Variants in ABCF1 observed in about 807,000 individuals in gnomAD.
ABCF1 encodes ATP-binding cassette sub-family F member 1.
A neutral mutation model predicts 126.3 loss-of-function variants in ABCF1; 73 were observed. The ratio of observed to expected loss-of-function variants is 0.58; its 90% CI spans 0.48 to 0.70. The LOEUF (loss-of-function observed/expected upper bound fraction) is 0.70. Among genes scored for constraint, ABCF1 ranks in the 30% least tolerant of loss-of-function variants. ABCF1 has a pLI of 0.00. For missense variants in ABCF1, 786 were observed against 1,057.5 expected, an observed-to-expected ratio of 0.74 and a Z score of 3.56; for synonymous variants, 345 against 396.4, an observed-to-expected ratio of 0.87 and a Z score of 1.54.
At chr6:30,575,071 CTTT>C (rs958476559) in intron 1 of ABCF1, among the ~76,000 whole-genome samples, 1 of 129,786 alleles carries the variant, frequency 7.7e-6, no homozygotes, top group Non-Finnish European at 1.7e-5. Flanking sequence ...GACTTTTTTT[CTTT>C]TTTTTTTTTT....
chr6:30,583,987 G>T lies in ABCF1; in HGVS notation c.1102+97G>T. ...AGAAGAAATTGTGGCTATGGAGTTGGAAGGGATGTGGAGGGAGACTGGAGA... is the reference window on the plus strand; with the variant it reads ...AGAAGAAATTGTGGCTATGGAGTTGTAAGGGATGTGGAGGGAGACTGGAGA... On this transcript the variant is annotated intron_variant, in intron 12 of 24. Coordinates refer to ENST00000326195, the MANE Select transcript of ABCF1 (RefSeq NM_001025091.2). This position sits in a 1 kb window ranked among gnomAD's most constrained non-coding sequence, Gnocchi z 4.1. The T allele has an allele frequency of 6.7e-7, 1 of 1,488,934 alleles. No homozygotes were observed. Among genetic ancestry groups the T allele is most frequent in the Non-Finnish European group, 9.3e-7 (1 of 1,080,818 alleles). The allele number at this position is 1,488,934 out of a possible 1,614,324, so 92.2% of individuals were successfully genotyped here.
Position 30,586,847 on chromosome 6 carries a change from A to G in ABCF1, c.2031+136A>G. On this transcript the variant is annotated intron_variant, in intron 20 of 24. Coordinates refer to ENST00000326195, the MANE Select transcript of ABCF1 (RefSeq NM_001025091.2). This position sits in a 1 kb window ranked among gnomAD's most constrained non-coding sequence, Gnocchi z 4.9. Reference sequence around the variant, plus strand: ...TCATGATAGATGATTCATTTCCCTAAGAGGGGCAGTAGAGGAGGAAAGAGC... The same window carrying G: ...TCATGATAGATGATTCATTTCCCTAGGAGGGGCAGTAGAGGAGGAAAGAGC... 1.0e-6 allele frequency: 1 copy of G among 976,786 alleles called. No individual in the cohort carries two copies. The highest frequency in any genetic ancestry group is 1.5e-6 in the Non-Finnish European group (1 of 646,846). 60.5% of individuals were successfully genotyped at this position (976,786 alleles called of 1,614,324 possible).
rs1802348044 is a variant in ABCF1, at chr6:30,589,868, G to A, written c.2127G>A (p.Glu709=). 6.2e-7 allele frequency: 1 copy of A among 1,614,216 alleles called. No individual in the cohort carries two copies. Among genetic ancestry groups the A allele is most frequent in the Non-Finnish European group, 8.5e-7 (1 of 1,180,034 alleles). Residue 709 remains glutamate (E), a synonymous_variant, in exon 22 of 25, where the codon GAG becomes GAA. Coordinates refer to ENST00000326195, the MANE Select transcript of ABCF1 (RefSeq NM_001025091.2). ...EQLRMEETPT[E]YLQRGFNLPY... is the part of the protein sequence containing the mutation. ...TGCGCATGGAGGAGACGCCCACTGA[G>A]TACCTGCAGCGGGGCTTCAACCTGC...
At position 30,586,474 on chromosome 6, in the gene ABCF1, G is replaced by A. The variant is rs1325879449; in HGVS notation, c.1886G>A (p.Gly629Asp). The change falls in exon 19 of 25, where the codon GGT becomes GAT. Residue 629 changes from glycine (G) to aspartate (D), a missense_variant and splice_region_variant. By Grantham distance (94) the Gly-to-Asp change is moderately conservative. This residue lies in a region of ABCF1 where 288 missense variants were observed against 423.5 expected (regional missense o/e 0.68). Coordinates refer to ENST00000326195, the MANE Select transcript of ABCF1 (RefSeq NM_001025091.2). This position sits in a 1 kb window ranked among gnomAD's most constrained non-coding sequence, Gnocchi z 4.9. ...AATTGCTTCTTTTCGTGGCTTTCAG[G>A]TGTGACATTCGGCTACCAGGGACAG... The part of the protein sequence containing the change: ...PLSPPVLGLH[G>D]VTFGYQGQKP... 3 of 1,613,624 alleles carry A rather than the reference G, an allele frequency of 1.9e-6. No homozygotes were observed. Among genetic ancestry groups the A allele is most frequent in the Non-Finnish European group, 2.5e-6 (3 of 1,180,028 alleles).
intron 4 of ABCF1, 55 bp downstream of exon 4, chr6:30,578,257 T>TGAAG (rs1801615482): frequency 6.2e-7 from 1 of 1,613,584 alleles, no homozygotes; most frequent in Admixed American, 1.7e-5. Context: ...TGGAGAGTGA[T>TGAAG]ACCTCATACC....
rs1300183187 is a variant in ABCF1, at chr6:30,582,453, A to G, written c.738A>G (p.Ala246=). 2 of 1,612,910 alleles carry G rather than the reference A, an allele frequency of 1.2e-6. No individual in the cohort carries two copies. Among genetic ancestry groups the G allele is most frequent in the Admixed American group, 1.7e-5 (1 of 60,004 alleles). ...AGGAGGAAGGAGGAGAGTCTAAGGC[A>G]GATGATCCCTATGCTCATCTTAGCA... ...EEEEEGGESK[A]DDPYAHLSKK... The change falls in exon 9 of 25, where the codon GCA becomes GCG. Residue 246 remains alanine, a synonymous_variant. Coordinates refer to ENST00000326195, the MANE Select transcript of ABCF1 (RefSeq NM_001025091.2).
Position 30,578,551 on chromosome 6 carries a change from A to G in ABCF1, c.463A>G (p.Lys155Glu). The G allele has an allele frequency of 1.2e-6, 2 of 1,613,942 alleles. No homozygotes were observed. The highest frequency in any genetic ancestry group is 1.6e-4 in the Middle Eastern group (1 of 6,062). ...AGAAAAACATCCTCCTAAGCCTGCC[A>G]AGCCGGAGAAGAATCGGATCAATAA... ...EEEKHPPKPA[K>E]PEKNRINKAV... is the part of the protein sequence containing the mutation. The change falls in exon 6 of 25, where the codon AAG (lysine) becomes GAG (glutamate). Residue 155 changes from lysine (K) to glutamate (E), a missense_variant. This residue lies in a region of ABCF1 where 322 missense variants were observed against 322.9 expected (regional missense o/e 1.00). Transcript: ENST00000326195.
chr6:30,580,502 G>T lies in ABCF1; in HGVS notation c.661G>T (p.Ala221Ser), dbSNP rs1582582165. The T allele has an allele frequency of 4.6e-6, 7 of 1,522,182 alleles. No homozygotes were observed. Among genetic ancestry groups the T allele is most frequent in the Non-Finnish European group, 6.1e-6 (7 of 1,147,556 alleles). 94.3% of individuals were successfully genotyped at this position (1,522,182 alleles called of 1,614,324 possible). A position where few individuals can be genotyped will look rare whatever the true frequency, so the allele number is the denominator to read the frequency against. The change falls in exon 8 of 25, where the codon GCC (alanine) becomes TCC (serine). Residue 221 changes from alanine to serine, a missense_variant. Coordinates refer to ENST00000326195, the MANE Select transcript of ABCF1 (RefSeq NM_001025091.2). ...GCCTCCCAAACAAGGGAAGGAGAAG[G>T]CCAAGAAGGCAGAGCAGGTGTGTAT... ...KEPPKQGKEK[A>S]KKAEQGSEEE... is the part of the protein sequence containing the mutation.
chr6:30,583,776 G>A lies in ABCF1; in HGVS notation c.1017-29G>A. 6.2e-7 allele frequency: 1 copy of A among 1,613,802 alleles called. No homozygotes were observed. The highest frequency in any genetic ancestry group is 1.1e-5 in the South Asian group (1 of 91,082). The stretch of plus-strand genomic sequence containing the variant: ...GAAAAGAAGAGATTTCTCAGTGGTG[G>A]CCAGGTCCTAATAGCTTTTATTCCC... On this transcript the variant is annotated intron_variant, in intron 11 of 24. Coordinates refer to ENST00000326195, the MANE Select transcript of ABCF1 (RefSeq NM_001025091.2). The surrounding 1 kb of genome is among the most constrained non-coding windows in gnomAD (Gnocchi z 4.1).
chr6:30,580,127 A>G (rs1801732216), intron 7 of ABCF1, 122 bp downstream of exon 7: 1 of 937,582 alleles, frequency 1.1e-6, no homozygotes, highest in Non-Finnish European at 1.6e-6. Flanking sequence ...TGGGCGGATC[A>G]CGAGGTCAGG....
At chr6:30,582,569 A>G in intron 9 of ABCF1, 62 bp downstream of exon 9, 4 of 1,556,646 alleles carry the variant, frequency 2.6e-6, no homozygotes, top group Non-Finnish European at 3.5e-6. Flanking sequence ...ACTAGGGGAC[A>G]TGCGATTGGG....
rs772938674 is a variant in ABCF1, at chr6:30,589,747, T to C, written c.2064+27T>C. 35 of 1,613,988 alleles carry C rather than the reference T, an allele frequency of 2.2e-5. No homozygotes were observed. The African/African-American group carries it at 4.4e-4, about 20-fold the overall frequency. On this transcript the variant is annotated intron_variant, in intron 21 of 24. Transcript: ENST00000326195. ...TAAGTTGGCATTGGGATTTAGGGAA[T>C]GATAATCTGATGGAGGAAGTGTGAC...
In ABCF1 at chr6:30,582,442, G is replaced by C. The variant is rs755216112; in HGVS notation, c.727G>C (p.Glu243Gln). ...EGEEEEEEGG[E>Q]SKADDPYAHL... is the part of the protein sequence containing the mutation. Reference sequence around the variant, plus strand: ...GGAAGAAGAGGAGGAGGAAGGAGGAGAGTCTAAGGCAGATGATCCCTATGC... The same window carrying C: ...GGAAGAAGAGGAGGAGGAAGGAGGACAGTCTAAGGCAGATGATCCCTATGC... The change falls in exon 9 of 25, where the codon GAG (glutamate) becomes CAG (glutamine). Residue 243 changes from glutamate (E) to glutamine (Q), a missense_variant. Physicochemically the swap from Glu to Gln is conservative, Grantham distance 29 (BLOSUM62 2). Transcript: ENST00000326195. 1.2e-6 allele frequency: 2 copies of C among 1,612,850 alleles called. No homozygotes were observed. Among genetic ancestry groups the C allele is most frequent in the South Asian group, 2.2e-5 (2 of 91,078 alleles).
intron 20 of ABCF1, among the ~76,000 whole-genome samples, chr6:30,587,185 GGT>G (rs1802188670): frequency 6.6e-6 from 1 of 151,956 alleles, no homozygotes; most frequent in African/African-American, 2.4e-5. Context: ...GGGAGGCGGG[GGT>G]TGCAGTGAGC....
chr6:30,587,565 G>A (rs1413207725), intron 20 of ABCF1, among the ~76,000 whole-genome samples: 3 of 151,846 alleles, frequency 2.0e-5, no homozygotes, highest in African/African-American at 7.3e-5. Flanking sequence ...AACCCAGGAG[G>A]CAGAGGTTGC....
Position 30,589,950 on chromosome 6 carries a change from AC to A in ABCF1, c.2211del (p.Ile738SerfsTer38). Reference protein sequence around the residue: ...GRFGLESHAHTIQICKLSGGQ... With the variant: ...GRFGLESHAHXIQICKLSGGQ... ...CTTCGGCCTGGAGAGTCACGCCCAC[AC>A]CATCCAGATCTGCAAACTCTCTGGT... On this transcript the variant is annotated frameshift_variant, in exon 22 of 25. Coordinates refer to ENST00000326195, the MANE Select transcript of ABCF1 (RefSeq NM_001025091.2). LOFTEE classifies it high-confidence loss of function. 1 of 1,613,576 alleles carries A rather than the reference AC, an allele frequency of 6.2e-7. No individual in the cohort carries two copies. Among genetic ancestry groups the A allele is most frequent in the Non-Finnish European group, 8.5e-7 (1 of 1,180,000 alleles).
At chr6:30,585,494 G>C in intron 15 of ABCF1, 64 bp from the exon 16 acceptor site, 10 of 1,607,078 alleles carry the variant, frequency 6.2e-6, no homozygotes, top group Non-Finnish European at 8.5e-6. Context: ...TTGTCTGCCT[G>C]CTTCCTCTGA....
rs1394814865 is a variant in ABCF1 at position 30,583,109 on chromosome 6, CA to C, written c.837del (p.Ala280LeufsTer19). The C allele has an allele frequency of 6.2e-7, 1 of 1,611,666 alleles. No individual in the cohort carries two copies. Among genetic ancestry groups the C allele is most frequent in the Non-Finnish European group, 8.5e-7 (1 of 1,178,800 alleles). ...GTGGCTTCATTAAAAGCAGCCAATG[CA>C]GCTGAAAATGACTTCTCCGTGTCCC... ...RQVASLKAANAAENDFSVSQA... is the reference protein window; with the variant it reads ...RQVASLKAANXAENDFSVSQA... On this transcript the variant is annotated frameshift_variant, in exon 10 of 25. Transcript: ENST00000326195. LOFTEE classifies it high-confidence loss of function. This position sits in a 1 kb window ranked among gnomAD's most constrained non-coding sequence, Gnocchi z 4.1.
At position 30,585,585 on chromosome 6, in the gene ABCF1, G is replaced by C; in HGVS notation, c.1503G>C (p.Leu501Phe). 4 of 1,612,970 alleles carry C rather than the reference G, an allele frequency of 2.5e-6. No homozygotes were observed. Among genetic ancestry groups the C allele is most frequent in the Non-Finnish European group, 3.4e-6 (4 of 1,180,016 alleles). The part of the protein sequence containing the change: ...NNYLQGWRKT[L>F]LIVSHDQGFL... ...ACCTCCAGGGCTGGCGGAAGACCTT[G>C]CTGATCGTCTCCCATGACCAGGGCT... The change falls in exon 16 of 25, where the codon TTG becomes TTC. Residue 501 changes from leucine (L) to phenylalanine (F), a missense_variant. This residue lies in a region of ABCF1 where 13 missense variants were observed against 55.8 expected (regional missense o/e 0.23). Coordinates refer to ENST00000326195, the MANE Select transcript of ABCF1 (RefSeq NM_001025091.2).
Sources: allele counts gnomAD v4.1 joint callset (sites outside exome capture counted in the v4.1 genomes callset), GRCh38; gene constraint gnomAD v4.1.1; regional missense constraint gnomAD v4.1.1; non-coding constraint Gnocchi (gnomAD v3.1); transcripts MANE v1.5; gene names NCBI Gene and HGNC (gene_info 2026-07-23, HGNC 2026-07-21).